Variants in MAP3K4 observed in about 807,000 individuals in gnomAD.
MAP3K4 encodes MAP three kinase 1.
Under a neutral mutation model 185.6 loss-of-function variants are expected in MAP3K4, and 67 were observed. That is an observed-to-expected ratio of 0.36 (90% CI 0.30 to 0.44). MAP3K4 has a LOEUF of 0.44. Among genes scored for constraint, MAP3K4 ranks in the 20% least tolerant of loss-of-function variants. The pLI, the probability that MAP3K4 is intolerant of heterozygous loss-of-function variation, is 1.00. For synonymous variants in MAP3K4, 702 were observed against 710.4 expected, an observed-to-expected ratio of 0.99 and a Z score of 0.19; for missense variants, 1,551 against 1,995.1, an observed-to-expected ratio of 0.78 and a Z score of 4.24.
Position 161,070,737 on chromosome 6 carries a change from G to A in MAP3K4, c.1837G>A (p.Glu613Lys), listed in dbSNP as rs747066769. ...ELKAMDLPSFEPAFLVLCRVL... is the reference protein window; with the variant it reads ...ELKAMDLPSFKPAFLVLCRVL... ...GAAGGCCATGGATTTACCTTCATTCGAACCTGCCTTCCTAGTTCTCTGCCG... is the reference window on the plus strand; with the variant it reads ...GAAGGCCATGGATTTACCTTCATTCAAACCTGCCTTCCTAGTTCTCTGCCG... The change falls in exon 4 of 27, where the codon GAA (glutamate) becomes AAA (lysine). Residue 613 changes from glutamate to lysine, a missense_variant. Around this residue, in one of 16 missense-constraint regions of MAP3K4, gnomAD observed 27 missense variants for 64.4 expected, o/e 0.42. Coordinates refer to ENST00000392142, the MANE Select transcript of MAP3K4 (RefSeq NM_005922.4). The surrounding 1 kb of genome is among the most constrained non-coding windows in gnomAD (Gnocchi z 4.5). 6.6e-5 allele frequency: 107 copies of A among 1,614,000 alleles called. No homozygotes were observed. Among genetic ancestry groups the A allele is most frequent in the South Asian group, 2.7e-4 (25 of 91,072 alleles).
Position 161,056,905 on chromosome 6 carries a change from A to G in MAP3K4, c.1707+6926A>G, listed in dbSNP as rs534687617. 1.4e-4 allele frequency among the ~76,000 whole-genome samples: 21 copies of G among 152,296 alleles called. No homozygotes were observed. In the Middle Eastern group the frequency reaches 0.01, roughly 74 times the overall value. On this transcript the variant is annotated intron_variant, in intron 3 of 26. Transcript: ENST00000392142. The surrounding 1 kb of genome is among the most constrained non-coding windows in gnomAD (Gnocchi z 5.4). ...AGTTCACTCTGTAATATATAGTTCT[A>G]TGGGTTTTGTGCAATTTAAAATGTT... is the stretch of plus-strand genomic sequence containing the variant.
chr6:161,113,743 T>C (rs1469023159), intron 25 of MAP3K4, among the ~76,000 whole-genome samples: 4 of 149,590 alleles, frequency 2.7e-5, no homozygotes, highest in Non-Finnish European at 5.9e-5. Context: ...ACCAGAATTA[T>C]ATATTTAAAT....
chr6:161,090,213 A>G (rs1233649152), intron 11 of MAP3K4, among the ~76,000 whole-genome samples: 2 of 152,190 alleles, frequency 1.3e-5, no homozygotes, highest in Non-Finnish European at 2.9e-5. Context: ...ATCTCTCTCT[A>G]TGGATTGCTG....
In MAP3K4 at chr6:161,102,892, T is replaced by G. The variant is rs1029726493; in HGVS notation, c.3856+113T>G. 3 of 633,326 alleles carry G rather than the reference T, an allele frequency of 4.7e-6. No homozygotes were observed. In the African/African-American group the frequency reaches 5.6e-5, roughly 12 times the overall value. 39.2% of individuals were successfully genotyped at this position (633,326 alleles called of 1,614,324 possible). On this transcript the variant is annotated intron_variant, in intron 19 of 26. Coordinates refer to ENST00000392142, the MANE Select transcript of MAP3K4 (RefSeq NM_005922.4). ...TTAGCTTCTGAATTATTAGGCCTCCTCCATTACTATTTTGTGATCTCACAG... is the reference window on the plus strand; with the variant it reads ...TTAGCTTCTGAATTATTAGGCCTCCGCCATTACTATTTTGTGATCTCACAG...
At chr6:161,095,195 A>G (rs990963418) in intron 15 of MAP3K4, among the ~76,000 whole-genome samples, 2 of 152,172 alleles carry the variant, frequency 1.3e-5, no homozygotes, top group Non-Finnish European at 2.9e-5. Flanking sequence ...CCTCTCAGTC[A>G]CTATGGGTTA....
chr6:161,084,669 C>T lies in MAP3K4; in HGVS notation c.2372+52C>T, dbSNP rs1785613927. 9.3e-7 allele frequency: 1 copy of T among 1,080,644 alleles called. No homozygotes were observed. The highest frequency in any genetic ancestry group is 1.4e-6 in the Non-Finnish European group (1 of 698,506). 66.9% of individuals were successfully genotyped at this position (1,080,644 alleles called of 1,614,324 possible). On this transcript the variant is annotated intron_variant, in intron 7 of 26. Coordinates refer to ENST00000392142, the MANE Select transcript of MAP3K4 (RefSeq NM_005922.4). The surrounding 1 kb of genome is among the most constrained non-coding windows in gnomAD (Gnocchi z 4.6). ...CCACTTCTTATCTCGTAGTTTCCTT[C>T]CTCATGGTGAGATCCTAGAAGGAGC...
At chr6:161,024,596 T>G (rs768252849) in intron 1 of MAP3K4, among the ~76,000 whole-genome samples, 13 of 152,320 alleles carry the variant, frequency 8.5e-5, no homozygotes, top group Non-Finnish European at 1.8e-4. Context: ...TTAGGTATTC[T>G]GTAGAAAGTC....
In MAP3K4 at chr6:161,071,535, G is replaced by T. The variant is rs997467392; in HGVS notation, c.1950+685G>T. ...GTGTCTATCCCATAGGGATTGGAGG[G>T]CTAAGAGCTACCCGGCTCTGTGAAT... On this transcript the variant is annotated intron_variant, in intron 4 of 26. Coordinates refer to ENST00000392142, the MANE Select transcript of MAP3K4 (RefSeq NM_005922.4). This position sits in a 1 kb window ranked among gnomAD's most constrained non-coding sequence, Gnocchi z 4.6. 6.6e-6 allele frequency among the ~76,000 whole-genome samples: 1 copy of T among 152,196 alleles called. No homozygotes were observed. The highest frequency in any genetic ancestry group is 2.4e-5 in the African/African-American group (1 of 41,440).
intron 1 of MAP3K4, among the ~76,000 whole-genome samples, chr6:161,000,350 A>C (rs2115043142): frequency 6.6e-6 from 1 of 152,298 alleles, no homozygotes; most frequent in Admixed American, 6.5e-5. Flanking sequence ...CTGAGTCAGG[A>C]GAACAAGTAC....
intron 2 of MAP3K4, among the ~76,000 whole-genome samples, chr6:161,035,455 A>C (rs970474221): frequency 2.0e-5 from 3 of 152,168 alleles, no homozygotes; most frequent in African/African-American, 7.2e-5. Flanking sequence ...CCCTTCCTCA[A>C]GAGAGCAGGA....
At chr6:161,040,901 C>A (rs1450283612) in intron 2 of MAP3K4, among the ~76,000 whole-genome samples, 3 of 152,258 alleles carry the variant, frequency 2.0e-5, no homozygotes, top group Non-Finnish European at 4.4e-5. Flanking sequence ...TGATCAAACA[C>A]TGTTCTGCAT....
chr6:161,098,361 G>C lies in MAP3K4; in HGVS notation c.3608G>C (p.Ser1203Thr), dbSNP rs766361908. 7 of 1,613,648 alleles carry C rather than the reference G, an allele frequency of 4.3e-6. No individual in the cohort carries two copies. The Admixed American group carries it at 1.2e-4, about 27-fold the overall frequency. The change falls in exon 17 of 27, where the codon AGT (serine) becomes ACT (threonine). Residue 1203 changes from serine to threonine, a missense_variant. Physicochemically the swap from Ser to Thr is moderately conservative, Grantham distance 58. This residue lies in a region of MAP3K4 where 272 missense variants were observed against 301.2 expected (regional missense o/e 0.90). Transcript: ENST00000392142. The surrounding 1 kb of genome is among the most constrained non-coding windows in gnomAD (Gnocchi z 4.4). Reference protein sequence around the residue: ...AAAAAAAVAASRPSPSGGDSV... With the variant: ...AAAAAAAVAATRPSPSGGDSV... ...GCTGCTGCTGCTGCTGTTGCTGCCA[G>C]TCGGCCCAGCCCCTCTGGTGGTGAC...
Position 161,087,587 on chromosome 6 carries a change from T to G in MAP3K4, c.2557-101T>G, listed in dbSNP as rs1000858614. ...GCTCCAATTCATGCCCTTCCCACTT[T>G]CCCTTTCCCAAACCTGCCTCTCCTT... On this transcript the variant is annotated intron_variant, in intron 9 of 26. Transcript: ENST00000392142. The surrounding 1 kb of genome is among the most constrained non-coding windows in gnomAD (Gnocchi z 4.9). 4.8e-6 allele frequency: 6 copies of G among 1,245,196 alleles called. No homozygotes were observed. The highest frequency in any genetic ancestry group is 1.8e-5 in the Admixed American group (1 of 55,070). The allele number at this position is 1,245,196 out of a possible 1,614,324, so 77.1% of individuals were successfully genotyped here.
intron 18 of MAP3K4, 76 bp from the exon 19 acceptor site, chr6:161,102,623 C>A: frequency 2.0e-6 from 2 of 987,936 alleles, no homozygotes; most frequent in Non-Finnish European, 2.9e-6. Context: ...TTAACCATTA[C>A]CTTTCCTTTC....
chr6:161,102,313 T>C (rs1278592004), intron 18 of MAP3K4, among the ~76,000 whole-genome samples: 1 of 152,208 alleles, frequency 6.6e-6, no homozygotes, highest in East Asian at 1.9e-4. Context: ...TGACACTGTG[T>C]TTGTTGATCG....
intron 1 of MAP3K4, among the ~76,000 whole-genome samples, chr6:161,002,803 T>C (rs1308025454): frequency 6.6e-6 from 1 of 151,972 alleles, no homozygotes; most frequent in African/African-American, 2.4e-5. Flanking sequence ...ATGTTAGCCA[T>C]GATGGTCTCG....
intron 1 of MAP3K4, among the ~76,000 whole-genome samples, chr6:161,027,958 TCTC>T (rs1168125045): frequency 1.3e-5 from 2 of 152,168 alleles, no homozygotes; most frequent in Non-Finnish European, 1.5e-5. Flanking sequence ...CTAGCTAGCT[TCTC>T]CTTCATGCAC....
Position 161,064,596 on chromosome 6 carries a change from G to A in MAP3K4, c.1708-6012G>A, listed in dbSNP as rs1211855043. ...ATCTTGTAGGACAGTGTTGCCCATT[G>A]TTTCTTTTCAGAAGTTTCTGTGCTG... On this transcript the variant is annotated intron_variant, in intron 3 of 26. Coordinates refer to ENST00000392142, the MANE Select transcript of MAP3K4 (RefSeq NM_005922.4). This position sits in a 1 kb window ranked among gnomAD's most constrained non-coding sequence, Gnocchi z 4.3. Among the ~76,000 whole-genome samples the A allele has an allele frequency of 6.6e-6, 1 of 151,968 alleles. No homozygotes were observed. The highest frequency in any genetic ancestry group is 1.9e-4 in the East Asian group (1 of 5,174).
chr6:161,002,589 C>CTTTTTTTTTT lies in MAP3K4; in HGVS notation c.152+10517_152+10526dup, dbSNP rs34733206. Among the ~76,000 whole-genome samples, 2 of 106,476 alleles carry CTTTTTTTTTT rather than the reference C, an allele frequency of 1.9e-5. 1 individual carries two copies. The highest frequency in any genetic ancestry group is 7.3e-5 in the African/African-American group (2 of 27,270). The allele number at this position is 106,476 out of a possible 152,430, so 69.9% of individuals were successfully genotyped here. A position where few individuals can be genotyped will look rare whatever the true frequency, so the allele number is the denominator to read the frequency against. ...TTCTGCCATCTAAAAATAGTTTTGG[C>CTTTTTTTTTT]TTTTTTTTTTTTTTTTTTTTGAGAT... On this transcript the variant is annotated intron_variant, in intron 1 of 26. Transcript: ENST00000392142.
Sources: gnomAD v4.1 joint callset for allele counts (sites outside exome capture counted in the v4.1 genomes callset) on GRCh38, gnomAD v4.1.1 for gene constraint, gnomAD v4.1.1 regional missense constraint, Gnocchi (gnomAD v3.1) non-coding constraint, MANE v1.5 for transcripts, NCBI Gene and HGNC (gene_info 2026-07-23, HGNC 2026-07-21) for gene names.